Variants in SWT1 observed in about 807,000 individuals in gnomAD.
SWT1 encodes SWT1 RNA endoribonuclease homolog.
Under a neutral mutation model 107.3 loss-of-function variants are expected in SWT1, and 33 were observed. The ratio of observed to expected loss-of-function variants is 0.31; its 90% CI spans 0.23 to 0.41. The LOEUF is 0.41. SWT1 is among the 10% of genes least tolerant of loss of function. The pLI is 1.00. For missense variants in SWT1, 898 were observed against 1,028.9 expected, an observed-to-expected ratio of 0.87 and a Z score of 1.74; for synonymous variants, 345 against 348.3, an observed-to-expected ratio of 0.99 and a Z score of 0.11.
chr1:185,178,693 A>G (rs1655775299), intron 5 of SWT1, among the ~76,000 whole-genome samples: 1 of 152,214 alleles, frequency 6.6e-6, no homozygotes, highest in Admixed American at 6.5e-5. Context: ...GAGATGTAGA[A>G]TGTCAAAAGC....
chr1:185,241,948 A>C (rs2102611113), intron 16 of SWT1, among the ~76,000 whole-genome samples: 2 of 152,328 alleles, frequency 1.3e-5, no homozygotes, highest in Admixed American at 1.3e-4. Context: ...TGGAGCCTCC[A>C]GTAATTCACC....
chr1:185,230,504 G>C (rs974510989), intron 15 of SWT1, among the ~76,000 whole-genome samples: 5 of 152,046 alleles, frequency 3.3e-5, no homozygotes, highest in Non-Finnish European at 7.3e-5. Context: ...AATCCAGCAT[G>C]ACCTCATTTT....
chr1:185,166,902 T>C (rs1654621520), intron 3 of SWT1, among the ~76,000 whole-genome samples: 1 of 152,066 alleles, frequency 6.6e-6, no homozygotes, highest in South Asian at 2.1e-4. Context: ...ATATATATGG[T>C]TTTATATATA....
At chr1:185,205,314 C>T (rs2102464036) in intron 12 of SWT1, among the ~76,000 whole-genome samples, 1 of 152,126 alleles carries the variant, frequency 6.6e-6, no homozygotes, top group East Asian at 1.9e-4. Flanking sequence ...GGATTCACAC[C>T]TTTTTGACAA....
chr1:185,270,520 G>A (rs1558092853), intron 16 of SWT1, among the ~76,000 whole-genome samples: 1 of 151,960 alleles, frequency 6.6e-6, no homozygotes, highest in South Asian at 2.1e-4. Flanking sequence ...TGGGCAACAT[G>A]GGGAGACCTC....
chr1:185,222,922 C>T (rs896087596), intron 15 of SWT1, among the ~76,000 whole-genome samples: 36 of 152,272 alleles, frequency 2.4e-4, no homozygotes, highest in Admixed American at 1.8e-3. Flanking sequence ...ACCAACCTCT[C>T]CTCATTCTCC....
intron 15 of SWT1, among the ~76,000 whole-genome samples, chr1:185,223,429 C>T (rs1241360373): frequency 6.6e-6 from 1 of 152,060 alleles, no homozygotes; most frequent in Non-Finnish European, 1.5e-5. Context: ...TTAAGCAGTC[C>T]TCTTGCCTTG....
At chr1:185,166,677 A>G (rs778488621) in intron 3 of SWT1, 25 bp downstream of exon 3, 18 of 1,394,606 alleles carry the variant, frequency 1.3e-5, no homozygotes, top group Non-Finnish European at 1.7e-5. Context: ...ATAACTAACT[A>G]AAAGTTATTT....
At chr1:185,191,177 A>G (rs777736474) in intron 10 of SWT1, among the ~76,000 whole-genome samples, 2 of 152,198 alleles carry the variant, frequency 1.3e-5, no homozygotes, top group African/African-American at 2.4e-5. Context: ...ATCTGTTAAT[A>G]TATGTAAATG....
chr1:185,181,347 G>A (rs923055178), intron 6 of SWT1, among the ~76,000 whole-genome samples: 14 of 152,160 alleles, frequency 9.2e-5, no homozygotes, highest in African/African-American at 3.1e-4. Flanking sequence ...GTTTTGAGGT[G>A]CTCCTTGATA....
At chr1:185,253,859 T>G (rs1357785699) in intron 16 of SWT1, among the ~76,000 whole-genome samples, 2 of 151,510 alleles carry the variant, frequency 1.3e-5, no homozygotes, top group Non-Finnish European at 1.5e-5. Context: ...CTTGTGCCAA[T>G]TTTCAAAGGG....
chr1:185,243,674 A>G (rs916023232), intron 16 of SWT1, among the ~76,000 whole-genome samples: 10 of 152,212 alleles, frequency 6.6e-5, no homozygotes, highest in Non-Finnish European at 1.3e-4. Flanking sequence ...GGCATGTTAA[A>G]CCTTTTTAGA....
intron 4 of SWT1, among the ~76,000 whole-genome samples, chr1:185,170,509 G>A (rs559408864): frequency 6.6e-6 from 1 of 152,220 alleles, no homozygotes; most frequent in African/African-American, 2.4e-5. Context: ...ACTTCTTCGT[G>A]CCCCCATTCA....
chr1:185,175,109 C>G lies in SWT1; in HGVS notation c.962C>G (p.Thr321Ser). 1 of 1,535,882 alleles carries G rather than the reference C, an allele frequency of 6.5e-7. No individual in the cohort carries two copies. The change falls in exon 5 of 19, where the codon ACC (threonine) becomes AGC (serine). Residue 321 changes from threonine to serine, a missense_variant. Transcript: ENST00000367500. ...GATTCACATTCTAGGGAAAACCTAACCCAGGTAAGGTAGTAAAAAATGAAG... is the reference window on the plus strand; with the variant it reads ...GATTCACATTCTAGGGAAAACCTAAGCCAGGTAAGGTAGTAAAAAATGAAG... ...SNDSHSRENLTQSFEAPCCSV... is the reference protein window; with the variant it reads ...SNDSHSRENLSQSFEAPCCSV...
chr1:185,194,500 T>G (rs1257440950), intron 10 of SWT1, among the ~76,000 whole-genome samples: 1 of 152,148 alleles, frequency 6.6e-6, no homozygotes, highest in African/African-American at 2.4e-5. Flanking sequence ...TACCTTCAAA[T>G]ATTATACTGC....
At chr1:185,199,383 G>A (rs191326941) in intron 10 of SWT1, among the ~76,000 whole-genome samples, 2 of 152,316 alleles carry the variant, frequency 1.3e-5, no homozygotes, top group East Asian at 3.9e-4. Flanking sequence ...GCAGTGGCTG[G>A]TACTGGTTGT....
At chr1:185,284,958 C>T (rs1664864105) in intron 18 of SWT1, among the ~76,000 whole-genome samples, 1 of 151,734 alleles carries the variant, frequency 6.6e-6, no homozygotes, top group African/African-American at 2.4e-5. Context: ...ACTGAGACTC[C>T]CTGCAGCCAC....
intron 14 of SWT1, among the ~76,000 whole-genome samples, chr1:185,220,968 AC>A (rs1659611174): frequency 1.3e-5 from 2 of 152,184 alleles, no homozygotes; most frequent in Admixed American, 1.3e-4. Flanking sequence ...TTTGACTTTT[AC>A]TGAGTAAAAC....
Position 185,184,733 on chromosome 1 carries a change from TA to T in SWT1, c.1241-9del, listed in dbSNP as rs1397575064. Reference sequence around the variant, plus strand: ...TTTGTTAAATTCTAAGAAATCTTTTTATTTTTTAGGTTTTGACAAACTTGTG... The same window carrying T: ...TTTGTTAAATTCTAAGAAATCTTTTTTTTTTTAGGTTTTGACAAACTTGTG... On this transcript the variant is annotated splice_polypyrimidine_tract_variant and intron_variant, in intron 8 of 18. Coordinates refer to ENST00000367500, the MANE Select transcript of SWT1 (RefSeq NM_017673.7). The T allele has an allele frequency of 4.4e-6, 7 of 1,597,560 alleles. No homozygotes were observed. Among genetic ancestry groups the T allele is most frequent in the African/African-American group, 1.4e-5 (1 of 73,940 alleles).
Sources: allele counts gnomAD v4.1 joint callset (sites outside exome capture counted in the v4.1 genomes callset), GRCh38; gene constraint gnomAD v4.1.1; transcripts MANE v1.5; gene names NCBI Gene and HGNC (gene_info 2026-07-23, HGNC 2026-07-21).